Variants in SEPTIN10 observed in about 807,000 individuals in gnomAD.
The protein encoded by SEPTIN10 is septin 10.
Under a neutral mutation model 54.8 loss-of-function variants are expected in SEPTIN10, and 66 were observed. That is an observed-to-expected ratio of 1.21 (90% CI 0.99 to 1.48). SEPTIN10 has a LOEUF of 1.48. Among genes scored for constraint, SEPTIN10 ranks in the 40% most tolerant of loss-of-function variants. The pLI is 0.00. For synonymous variants in SEPTIN10, 161 were observed against 181.0 expected, an observed-to-expected ratio of 0.89 and a Z score of 0.89; for missense variants, 620 against 545.6, an observed-to-expected ratio of 1.14 and a Z score of -1.36.
At chr2:109,609,924 T>C (rs1006778109) in intron 1 of SEPTIN10, among the ~76,000 whole-genome samples, 27 of 152,128 alleles carry the variant, frequency 1.8e-4, no homozygotes, top group African/African-American at 6.5e-4. Flanking sequence ...CAAGATCCAC[T>C]ATCTCAGTCA....
At chr2:109,551,891 T>C (rs1683039617) in intron 9 of SEPTIN10, among the ~76,000 whole-genome samples, 3 of 152,176 alleles carry the variant, frequency 2.0e-5, no homozygotes, top group Non-Finnish European at 4.4e-5. Flanking sequence ...AGAAGTTCAG[T>C]GATTTTTTTG....
intron 9 of SEPTIN10, among the ~76,000 whole-genome samples, chr2:109,549,767 A>C (rs1188446070): frequency 6.6e-6 from 1 of 152,188 alleles, no homozygotes; most frequent in Non-Finnish European, 1.5e-5. Flanking sequence ...TAGTAAAGTT[A>C]AGGCACAGTG....
intron 1 of SEPTIN10, among the ~76,000 whole-genome samples, chr2:109,593,989 G>A (rs1361717051): frequency 6.6e-6 from 1 of 152,148 alleles, no homozygotes; most frequent in Non-Finnish European, 1.5e-5. Flanking sequence ...CAGCCTAGAT[G>A]AAAAAATTCA....
At chr2:109,555,570 T>A (rs1376868724) in intron 8 of SEPTIN10, among the ~76,000 whole-genome samples, 1 of 152,160 alleles carries the variant, frequency 6.6e-6, no homozygotes, top group Non-Finnish European at 1.5e-5. Flanking sequence ...TGCAGAATGT[T>A]AGCAAACTGA....
chr2:109,564,684 A>G (rs1686544231), intron 7 of SEPTIN10, 150 bp from the exon 8 acceptor site: 2 of 652,070 alleles, frequency 3.1e-6, no homozygotes, highest in Non-Finnish European at 4.6e-6. Flanking sequence ...TATTTTATAC[A>G]TGTAACCAAG....
intron 2 of SEPTIN10, among the ~76,000 whole-genome samples, chr2:109,588,574 A>G (rs762915773): frequency 1.3e-5 from 2 of 151,978 alleles, no homozygotes; most frequent in African/African-American, 2.4e-5. Flanking sequence ...GCTCACTGCA[A>G]CCTCCGCCCC....
chr2:109,568,083 C>T, intron 5 of SEPTIN10, 107 bp from the exon 6 acceptor site: 1 of 865,862 alleles, frequency 1.2e-6, no homozygotes, highest in Non-Finnish European at 1.7e-6. Flanking sequence ...TTTCCCTAAA[C>T]CTAGATCGGG....
At chr2:109,585,051 CATAGTTCATG>C in intron 4 of SEPTIN10, 65 bp downstream of exon 4, 6 of 773,228 alleles carry the variant, frequency 7.8e-6, no homozygotes, top group Non-Finnish European at 1.2e-5. Flanking sequence ...AAAATCAAAT[CATAGTTCATG>C]GGGCTATAAG....
chr2:109,598,439 C>A (rs746035998), intron 1 of SEPTIN10, among the ~76,000 whole-genome samples: 1 of 152,050 alleles, frequency 6.6e-6, no homozygotes, highest in African/African-American at 2.4e-5. Flanking sequence ...AAATATAGAA[C>A]CAAAGTTTTT....
At chr2:109,549,457 G>A (rs867503939) in intron 9 of SEPTIN10, among the ~76,000 whole-genome samples, 96 of 152,278 alleles carry the variant, frequency 6.3e-4, no homozygotes, top group African/African-American at 2.2e-3. Context: ...ATTCACACTG[G>A]GTGGCATTTC....
At chr2:109,590,856 C>T (rs996221985) in intron 2 of SEPTIN10, among the ~76,000 whole-genome samples, 1 of 152,140 alleles carries the variant, frequency 6.6e-6, no homozygotes, top group South Asian at 2.1e-4. Context: ...CTGACAACAA[C>T]CCCCAGCCAG....
At chr2:109,598,616 G>GT (rs1375390826) in intron 1 of SEPTIN10, among the ~76,000 whole-genome samples, 3 of 151,948 alleles carry the variant, frequency 2.0e-5, no homozygotes, top group Non-Finnish European at 2.9e-5. Context: ...GCTGAGGCAG[G>GT]TAGATCACTT....
At position 109,585,288 on chromosome 2, in the gene SEPTIN10, T is replaced by A. The variant is rs1661126710; in HGVS notation, c.251A>T (p.Asp84Val). The A allele has an allele frequency of 6.2e-7, 1 of 1,608,124 alleles. No individual in the cohort carries two copies. The part of the protein sequence containing the change: ...ETGIGKSTLI[D>V]TLFNTNFEDY... ...TTCAAAATTAGTATTAAACAATGTG[T>A]CAATCAGTGTTGATTTTCCAATTCC... Residue 84 changes from aspartate to valine, a missense_variant, in exon 4 of 11, where the codon GAC becomes GTC. By Grantham distance (152) the Asp-to-Val change is radical. Coordinates refer to ENST00000397712, the MANE Select transcript of SEPTIN10 (RefSeq NM_144710.5).
chr2:109,581,917 G>C (rs1158823513), intron 4 of SEPTIN10, among the ~76,000 whole-genome samples: 2 of 152,110 alleles, frequency 1.3e-5, no homozygotes, highest in East Asian at 3.8e-4. Context: ...TTCATACCTA[G>C]ACAACTCTAA....
At chr2:109,601,775 A>AAAAGCAACT (rs1434466399) in intron 1 of SEPTIN10, among the ~76,000 whole-genome samples, 5 of 152,136 alleles carry the variant, frequency 3.3e-5, no homozygotes, top group Non-Finnish European at 5.9e-5. Context: ...TAAAAAAAAA[A>AAAAGCAACT]AAAGCAACTA....
intron 1 of SEPTIN10, among the ~76,000 whole-genome samples, chr2:109,595,535 G>T (rs1031784239): frequency 6.6e-6 from 1 of 152,248 alleles, no homozygotes; most frequent in South Asian, 2.1e-4. Context: ...AACAAACAGT[G>T]GTGGTTACAG....
intron 2 of SEPTIN10, among the ~76,000 whole-genome samples, chr2:109,589,865 G>C (rs891303411): frequency 3.9e-5 from 6 of 152,016 alleles, no homozygotes; most frequent in African/African-American, 1.4e-4. Context: ...TATCAAACAA[G>C]TGGTGAATAG....
chr2:109,613,772 G>C (rs1292664493), intron 1 of SEPTIN10, 26 bp downstream of exon 1: 1 of 1,213,622 alleles, frequency 8.2e-7, no homozygotes, highest in African/African-American at 1.6e-5. Context: ...GCGCGGGGCT[G>C]GGGCCCCGGC....
intron 4 of SEPTIN10, among the ~76,000 whole-genome samples, chr2:109,583,578 G>A (rs555755041): frequency 8.3e-4 from 126 of 152,298 alleles, no homozygotes; most frequent in Non-Finnish European, 1.6e-3. Flanking sequence ...AAAGCAGTTT[G>A]GAGATTTCTC....
Sources: allele counts gnomAD v4.1 joint callset (sites outside exome capture counted in the v4.1 genomes callset), GRCh38; gene constraint gnomAD v4.1.1; transcripts MANE v1.5; gene names NCBI Gene and HGNC (gene_info 2026-07-23, HGNC 2026-07-21).